The following KALRN variants were observed in gnomAD, a reference collection of about 807,000 sequenced individuals.
KALRN encodes kalirin.
KALRN carries 70 observed loss-of-function variants against 353.7 expected under a neutral mutation model. The observed-to-expected ratio is 0.20, with a 90% CI of 0.16 to 0.24. KALRN has a LOEUF of 0.24. Among genes scored for constraint, KALRN ranks in the 10% least tolerant of loss-of-function variants. The pLI is 1.00. For synonymous variants in KALRN, 1,391 were observed against 1,434.8 expected, an observed-to-expected ratio of 0.97 and a Z score of 0.69; for missense variants, 2,791 against 3,756.7, an observed-to-expected ratio of 0.74 and a Z score of 6.72.
chr3:124,429,287 A>G (rs1449496001), intron 15 of KALRN, among the ~76,000 whole-genome samples: 1 of 152,220 alleles, frequency 6.6e-6, no homozygotes, highest in East Asian at 1.9e-4. Flanking sequence ...TATGCACAAT[A>G]AGGCATGAGT....
At chr3:124,452,058 A>T (rs1223748255) in intron 21 of KALRN, among the ~76,000 whole-genome samples, 1 of 152,184 alleles carries the variant, frequency 6.6e-6, no homozygotes, top group Non-Finnish European at 1.5e-5. Context: ...CTGCATCTTG[A>T]TGGGCTGCCC....
At chr3:124,580,867 G>A (rs1366285402) in intron 34 of KALRN, among the ~76,000 whole-genome samples, 2 of 151,808 alleles carry the variant, frequency 1.3e-5, no homozygotes, top group Admixed American at 6.6e-5. Context: ...CAGCACTTTG[G>A]GAGGCCGAGG....
At chr3:124,533,911 C>G (rs1316578683) in intron 33 of KALRN, among the ~76,000 whole-genome samples, 1 of 151,948 alleles carries the variant, frequency 6.6e-6, no homozygotes, top group East Asian at 1.9e-4. Context: ...CAAACACTAC[C>G]TCAGTCAGGT....
chr3:124,544,959 A>T (rs1222847691), intron 33 of KALRN, among the ~76,000 whole-genome samples: 1 of 152,206 alleles, frequency 6.6e-6, no homozygotes, highest in Non-Finnish European at 1.5e-5. Flanking sequence ...GGGCCTGCAG[A>T]CTGTAGTTGC....
chr3:124,623,780 T>C (rs678925), intron 34 of KALRN, among the ~76,000 whole-genome samples: 43,773 of 151,716 alleles, frequency 0.29, 7,596 homozygotes, highest in East Asian at 0.58. Flanking sequence ...ATCAGGTTGA[T>C]ACTCAATATT....
intron 1 of KALRN, among the ~76,000 whole-genome samples, chr3:124,160,406 A>T (rs2150011226): frequency 6.6e-6 from 1 of 152,250 alleles, no homozygotes; most frequent in South Asian, 2.1e-4. Context: ...CAGGAATAAA[A>T]GAGGTCTGTG....
intron 10 of KALRN, among the ~76,000 whole-genome samples, chr3:124,362,823 T>G (rs2084205560): frequency 1.3e-5 from 2 of 152,236 alleles, no homozygotes; most frequent in Admixed American, 6.5e-5. Context: ...TTTCTTTTTC[T>G]TTAGGAGGCT....
chr3:124,158,523 T>C (rs1429190643), intron 1 of KALRN, among the ~76,000 whole-genome samples: 1 of 152,210 alleles, frequency 6.6e-6, no homozygotes, highest in Non-Finnish European at 1.5e-5. Context: ...TGTGGTGATT[T>C]GCAAAACACT....
At chr3:124,257,705 G>T (rs1444192589) in intron 3 of KALRN, among the ~76,000 whole-genome samples, 1 of 152,202 alleles carries the variant, frequency 6.6e-6, no homozygotes, top group African/African-American at 2.4e-5. Context: ...GAAACTATAG[G>T]GCAGGGTGAG....
At chr3:124,440,230 T>A (rs1576953430) in intron 18 of KALRN, among the ~76,000 whole-genome samples, 2 of 152,188 alleles carry the variant, frequency 1.3e-5, no homozygotes, top group East Asian at 3.8e-4. Context: ...AATGGAACAA[T>A]TTAAGTAGAG....
At chr3:124,328,765 T>C (rs2080194548) in intron 7 of KALRN, among the ~76,000 whole-genome samples, 2 of 152,212 alleles carry the variant, frequency 1.3e-5, no homozygotes, top group African/African-American at 4.8e-5. Flanking sequence ...ACTGGAGAAG[T>C]GCACGTTTAT....
At chr3:124,290,187 G>C (rs2076302955) in intron 5 of KALRN, among the ~76,000 whole-genome samples, 1 of 152,132 alleles carries the variant, frequency 6.6e-6, no homozygotes, top group East Asian at 1.9e-4. Context: ...ATGTTTACAA[G>C]TCTAGAGACT....
intron 53 of KALRN, 67 bp downstream of exon 53, chr3:124,694,570 C>G (rs1016358767): frequency 1.3e-6 from 2 of 1,482,496 alleles, no homozygotes; most frequent in Non-Finnish European, 1.8e-6. Context: ...GAGGCTGAAT[C>G]TGGGGTGCAA....
intron 10 of KALRN, among the ~76,000 whole-genome samples, chr3:124,361,817 G>T (rs1157080834): frequency 6.6e-6 from 1 of 151,904 alleles, no homozygotes; most frequent in African/African-American, 2.4e-5. Flanking sequence ...GTGGGGGTGG[G>T]GAGTAGTGAT....
intron 1 of KALRN, chr3:124,152,292 C>T (rs1287537568): frequency 9.8e-6 from 12 of 1,224,414 alleles, no homozygotes; most frequent in Non-Finnish European, 1.4e-5. Flanking sequence ...GTTCTACAGT[C>T]CTCAGCATAT....
At chr3:124,280,983 AAAC>A (rs1335014567) in intron 5 of KALRN, among the ~76,000 whole-genome samples, 1 of 152,192 alleles carries the variant, frequency 6.6e-6, no homozygotes, top group Non-Finnish European at 1.5e-5. Context: ...ACCTGTGGTA[AAAC>A]AACATGGCAC....
chr3:124,430,578 A>C, intron 15 of KALRN, 78 bp from the exon 16 acceptor site: 2 of 1,535,492 alleles, frequency 1.3e-6, no homozygotes, highest in Non-Finnish European at 1.8e-6. Context: ...CTCCAACTGA[A>C]GTCCCCATGA....
intron 1 of KALRN, among the ~76,000 whole-genome samples, chr3:124,111,785 AATTT>A (rs1578181775): frequency 6.6e-6 from 1 of 152,188 alleles, no homozygotes; most frequent in South Asian, 2.1e-4. Flanking sequence ...AAATATAATA[AATTT>A]ATTTAATCAA....
At chr3:124,686,226 A>G (rs185646857) in intron 51 of KALRN, among the ~76,000 whole-genome samples, 2 of 152,330 alleles carry the variant, frequency 1.3e-5, no homozygotes, top group East Asian at 3.9e-4. Context: ...GCACCCACTC[A>G]GGCACTGGGC....
Sources: gnomAD v4.1 joint callset for allele counts (sites outside exome capture counted in the v4.1 genomes callset) on GRCh38, gnomAD v4.1.1 for gene constraint, MANE v1.5 for transcripts, NCBI Gene and HGNC (gene_info 2026-07-23, HGNC 2026-07-21) for gene names.